The following SCAPER variants were observed in gnomAD, a reference collection of about 807,000 sequenced individuals.
SCAPER encodes the protein S phase cyclin A-associated protein in the endoplasmic reticulum.
Under a neutral mutation model 182.2 loss-of-function variants are expected in SCAPER, and 98 were observed. That is an observed-to-expected ratio of 0.54 (90% confidence interval 0.46 to 0.64). The LOEUF (loss-of-function observed/expected upper bound fraction) is 0.64, where lower values mean the gene tolerates loss of function less well. Ranked by LOEUF, SCAPER falls within the 30% of genes least tolerant of loss-of-function variation. The pLI is 0.00. For missense variants in SCAPER, 1,432 were observed against 1,690.0 expected (o/e 0.85, Z 2.68); for synonymous variants, 605 against 564.6 (o/e 1.07, Z -1.01).
intron 17 of SCAPER, among the ~76,000 whole-genome samples, chr15:76,726,124 A>AATATATAT (rs765875424): frequency 1.5e-3 from 23 of 15,352 alleles, no homozygotes; most frequent in South Asian, 0.014. Context: ...TAATGTCTAG[A>AATATATAT]ATATATATAT....
At chr15:76,758,946 G>T (rs62028729) in intron 14 of SCAPER, among the ~76,000 whole-genome samples, 11,760 of 128,298 alleles carry the variant, frequency 0.092, 520 homozygotes, top group Middle Eastern at 0.14. Flanking sequence ...ATCTCTAAAC[G>T]TTACTGAATT....
At chr15:76,493,662 T>C (rs1199956840) in intron 24 of SCAPER, among the ~76,000 whole-genome samples, 1 of 152,248 alleles carries the variant, frequency 6.6e-6, no homozygotes, top group African/African-American at 2.4e-5. Flanking sequence ...TTAGTAAGTC[T>C]GTAGATATGT....
chr15:76,478,876 T>C (rs1212986410), intron 24 of SCAPER, among the ~76,000 whole-genome samples: 1 of 152,154 alleles, frequency 6.6e-6, no homozygotes, highest in African/African-American at 2.4e-5. Context: ...ACATTACAAC[T>C]CTATTCTATT....
intron 25 of SCAPER, among the ~76,000 whole-genome samples, chr15:76,460,434 C>T: frequency 6.6e-6 from 1 of 152,048 alleles, no homozygotes; most frequent in Non-Finnish European, 1.5e-5. Flanking sequence ...TGAATTCATT[C>T]ATCAGATCTA....
intron 4 of SCAPER, among the ~76,000 whole-genome samples, chr15:76,848,896 G>T (rs991205406): frequency 3.9e-5 from 6 of 152,052 alleles, no homozygotes; most frequent in Admixed American, 3.9e-4. Context: ...CATGAATGCA[G>T]AACAGTCACC....
At chr15:76,800,477 C>T (rs1055538222) in intron 6 of SCAPER, 113 bp from the exon 7 acceptor site, 9 of 710,106 alleles carry the variant, frequency 1.3e-5, no homozygotes, top group Non-Finnish European at 1.9e-5. Flanking sequence ...TCAACAACAA[C>T]AACAAAAAGT....
intron 31 of SCAPER, chr15:76,349,812 G>C (rs973417881): frequency 6.6e-6 from 1 of 151,918 alleles, no homozygotes; most frequent in Non-Finnish European, 1.5e-5. Context: ...TGGTCCCTTG[G>C]AAAAGAAAGA....
intron 29 of SCAPER, among the ~76,000 whole-genome samples, chr15:76,374,693 A>G (rs1224957194): frequency 6.6e-6 from 1 of 151,528 alleles, no homozygotes; most frequent in African/African-American, 2.4e-5. Flanking sequence ...GTTGGTGAGT[A>G]TGTGGCTGGT....
chr15:76,813,249 A>AAAAAAAC (rs2066806753), intron 5 of SCAPER, among the ~76,000 whole-genome samples: 3 of 60,120 alleles, frequency 5.0e-5, no homozygotes, highest in Non-Finnish European at 9.3e-5. Context: ...AAAAAAAAAA[A>AAAAAAAC]AAAAAACAAC....
intron 15 of SCAPER, among the ~76,000 whole-genome samples, chr15:76,744,909 T>C (rs1374885512): frequency 6.6e-6 from 1 of 151,980 alleles, no homozygotes; most frequent in African/African-American, 2.4e-5. Flanking sequence ...TGCCTATCGA[T>C]AGACTGGATT....
Position 76,376,265 on chromosome 15 carries a change from G to C in SCAPER, c.3752C>G (p.Ala1251Gly). 1 of 1,613,896 alleles carries C rather than the reference G, an allele frequency of 6.2e-7. No individual in the cohort carries two copies. The highest frequency in any genetic ancestry group is 8.5e-7 in the Non-Finnish European group (1 of 1,179,826). The part of the protein sequence containing the change: ...EGLSLAFRHM[A>G]SSLLGHCSQV... ...GCTGCAGTGGCCCAGCAGGGAGCTG[G>C]CCATGTGCCGGAATGCAAGGGACAA... The change falls in exon 29 of 32, where the codon GCC (alanine) becomes GGC (glycine). Residue 1251 changes from alanine to glycine, a missense_variant. Physicochemically the swap from Ala to Gly is moderately conservative, Grantham distance 60 (BLOSUM62 0). Coordinates refer to ENST00000563290, the MANE Select transcript of SCAPER (RefSeq NM_020843.4).
At chr15:76,904,528 C>G (rs1329255636) in intron 1 of SCAPER, 4 of 152,244 alleles carry the variant, frequency 2.6e-5, no homozygotes, top group Non-Finnish European at 5.9e-5. Context: ...GCCCCCTTAA[C>G]AGCAGCAGGT....
Position 76,434,104 on chromosome 15 carries a change from A to G in SCAPER, c.3285T>C (p.Phe1095=). Residue 1095 remains phenylalanine (F), a synonymous_variant, in exon 26 of 32, where the codon TTT becomes TTC. Transcript: ENST00000563290. Reference sequence around the variant, plus strand: ...TGATAAGGTCCTGAACTCGATTGTTAAAAGGATCACCTTGTGAGGGTTTGT... The same window carrying G: ...TGATAAGGTCCTGAACTCGATTGTTGAAAGGATCACCTTGTGAGGGTTTGT... ...MKNKPSQGDP[F]NNRVQDLISY... is the part of the protein sequence containing the mutation. 1 of 1,613,934 alleles carries G rather than the reference A, an allele frequency of 6.2e-7. No individual in the cohort carries two copies. The highest frequency in any genetic ancestry group is 8.5e-7 in the Non-Finnish European group (1 of 1,179,850).
intron 20 of SCAPER, among the ~76,000 whole-genome samples, chr15:76,698,795 T>C (rs1335637932): frequency 6.6e-6 from 1 of 152,246 alleles, no homozygotes; most frequent in Non-Finnish European, 1.5e-5. Flanking sequence ...TCTAATTCTG[T>C]GAAGAATGTC....
intron 26 of SCAPER, among the ~76,000 whole-genome samples, chr15:76,421,468 G>A (rs1008666193): frequency 2.0e-4 from 30 of 152,206 alleles, no homozygotes; most frequent in Non-Finnish European, 4.1e-4. Context: ...TGATGGGGTT[G>A]TTTGTTTTTT....
chr15:76,587,674 T>C (rs578039098), intron 22 of SCAPER, among the ~76,000 whole-genome samples: 7 of 152,310 alleles, frequency 4.6e-5, no homozygotes, highest in Non-Finnish European at 8.8e-5. Context: ...TTTTCTTAAA[T>C]TTATTGAGAC....
chr15:76,888,618 A>G (rs566153013), intron 1 of SCAPER, among the ~76,000 whole-genome samples: 1 of 152,258 alleles, frequency 6.6e-6, no homozygotes, highest in Admixed American at 6.5e-5. Context: ...AGAAGACAAG[A>G]TTAGACAAAA....
intron 1 of SCAPER, among the ~76,000 whole-genome samples, chr15:76,886,793 A>C (rs2073863839): frequency 1.3e-5 from 2 of 152,244 alleles, no homozygotes; most frequent in African/African-American, 4.8e-5. Context: ...AGTGTGGTAC[A>C]TATACACCAG....
In SCAPER at chr15:76,665,968, T is replaced by TA. The variant is rs553168982; in HGVS notation, c.2509-180dup. Among the ~76,000 whole-genome samples the TA allele has an allele frequency of 2.3e-3, 348 of 152,320 alleles. 1 individual carries two copies. The highest frequency in any genetic ancestry group is 8.0e-3 in the African/African-American group (334 of 41,576). ...AAGAAACTGTTTTACTTAAGGATTTTACATCACTGACTTCACTTCATTGCA... is the reference window on the plus strand; with the variant it reads ...AAGAAACTGTTTTACTTAAGGATTTTAACATCACTGACTTCACTTCATTGCA... On this transcript the variant is annotated intron_variant, in intron 20 of 31. Coordinates refer to ENST00000563290, the MANE Select transcript of SCAPER (RefSeq NM_020843.4).
Sources: gnomAD v4.1 joint callset for allele counts (sites outside exome capture counted in the v4.1 genomes callset) on GRCh38, gnomAD v4.1.1 for gene constraint, MANE v1.5 for transcripts, NCBI Gene and HGNC (gene_info 2026-07-23, HGNC 2026-07-21) for gene names.